Variants in ZNF780A observed in about 807,000 individuals in gnomAD.
The protein encoded by ZNF780A is zinc finger protein 780A.
Under a neutral mutation model 56.7 loss-of-function variants are expected in ZNF780A, and 40 were observed. The ratio of observed to expected loss-of-function variants is 0.71; its 90% CI spans 0.55 to 0.92. The LOEUF (loss-of-function observed/expected upper bound fraction) is 0.92. Ranked by LOEUF, ZNF780A falls within the 40% of genes least tolerant of loss-of-function variation. The pLI is 0.00. For missense variants in ZNF780A, 672 were observed against 783.3 expected (o/e 0.86, Z 1.70); for synonymous variants, 231 against 248.3 (o/e 0.93, Z 0.66).
At chr19:40,084,884 A>C (rs1974697317) in intron 2 of ZNF780A, 86 bp from the exon 3 acceptor site, 1 of 1,457,996 alleles carries the variant, frequency 6.9e-7, no homozygotes, top group African/African-American at 1.4e-5. Flanking sequence ...CCTATTTCTC[A>C]ACTACTCCTG....
intron 5 of ZNF780A, among the ~76,000 whole-genome samples, chr19:40,077,374 A>T (rs557094578): frequency 6.6e-6 from 1 of 152,310 alleles, no homozygotes; most frequent in East Asian, 1.9e-4. Flanking sequence ...AAGGCAACAC[A>T]GGACAAAGAA....
intron 3 of ZNF780A, 27 bp from the exon 4 acceptor site, chr19:40,083,264 G>C (rs1329152570): frequency 1.2e-6 from 2 of 1,610,814 alleles, no homozygotes; most frequent in Non-Finnish European, 1.7e-6. Context: ...ATGTATAATG[G>C]TGAAACTGAA....
chr19:40,070,210 C>T (rs1046116599), downstream of ZNF780A: 4 of 152,006 alleles, frequency 2.6e-5, no homozygotes, highest in African/African-American at 9.7e-5. Flanking sequence ...ACATAACAGA[C>T]CAGTTAGATA....
Position 40,083,372 on chromosome 19 carries a change from A to G in ZNF780A, c.10-135T>C, listed in dbSNP as rs943721828. On this transcript the variant is annotated intron_variant, in intron 3 of 5. Transcript: ENST00000683561. Reference sequence around the variant, plus strand: ...CAGAGTGCCTGCACATTCTTCAAGAAGTCTCCTGCTGGCTGAGTATGGTGG... The same window carrying G: ...CAGAGTGCCTGCACATTCTTCAAGAGGTCTCCTGCTGGCTGAGTATGGTGG... The G allele has an allele frequency of 2.4e-5, 33 of 1,374,434 alleles. No homozygotes were observed. The African/African-American group carries it at 2.8e-4, about 12-fold the overall frequency. The allele number at this position is 1,374,434 out of a possible 1,614,324, so 85.1% of individuals were successfully genotyped here. A position where few individuals can be genotyped will look rare whatever the true frequency, so the allele number is the denominator to read the frequency against.
At position 40,077,163 on chromosome 19, in the gene ZNF780A, C is replaced by CG. The variant is rs147696785; in HGVS notation, c.233-955_233-954insC. Among the ~76,000 whole-genome samples the CG allele has an allele frequency of 4.8e-3, 733 of 152,290 alleles. 9 individuals are homozygous for CG. Among genetic ancestry groups the CG allele is most frequent in the African/African-American group, 0.016 (679 of 41,548 alleles). ...GGGCCCCAAAACAGGCACATCTGGA[C>CG]TGCCACTGCCACCACCAGAGCCCAA... is the stretch of plus-strand genomic sequence containing the variant. On this transcript the variant is annotated intron_variant, in intron 5 of 5. Transcript: ENST00000683561.
At chr19:40,072,769 C>A (rs1973879900), downstream of ZNF780A, 1 of 1,352,428 alleles carries the variant, frequency 7.4e-7, no homozygotes, top group African/African-American at 1.5e-5. Context: ...CATAGAGGCC[C>A]AGAATTATAA....
Position 40,073,714 on chromosome 19 carries a change from G to A in ZNF780A, c.*802C>T. 3.0e-6 allele frequency: 3 copies of A among 985,918 alleles called. No individual in the cohort carries two copies. Among genetic ancestry groups the A allele is most frequent in the Non-Finnish European group, 3.6e-6 (3 of 830,352 alleles). 61.1% of individuals were successfully genotyped at this position (985,918 alleles called of 1,614,324 possible). ...TCAGAAGTATGAATACTCAGAAGTT[G>A]AGCAAATCCCAGGCCATGATGAAAG... On this transcript the variant is annotated 3_prime_UTR_variant, in exon 6 of 6. Transcript: ENST00000683561.
chr19:40,075,394 G>A lies in ZNF780A; in HGVS notation c.1048C>T (p.Arg350Ter), dbSNP rs150137856. The part of the protein sequence containing the change: ...KAFTLLTKLV[R>*]HQKIHTGEKP... The stretch of plus-strand genomic sequence containing the variant: ...TCACCAGTATGAATCTTCTGATGTC[G>A]AACAAGCTTTGTCAGAAGAGTAAAC... Residue 350 changes from arginine (R) to a stop codon, truncating the protein, a stop_gained, in exon 6 of 6, where the codon CGA becomes TGA. Coordinates refer to ENST00000683561, the MANE Select transcript of ZNF780A (RefSeq NM_001142578.2). LOFTEE classifies it high-confidence loss of function. 40 of 1,613,940 alleles carry A rather than the reference G, an allele frequency of 2.5e-5. No homozygotes were observed. Among genetic ancestry groups the A allele is most frequent in the Non-Finnish European group, 3.1e-5 (36 of 1,180,012 alleles).
chr19:40,078,766 A>G (rs1974301258), intron 5 of ZNF780A, among the ~76,000 whole-genome samples: 2 of 152,218 alleles, frequency 1.3e-5, no homozygotes, highest in Non-Finnish European at 2.9e-5. Flanking sequence ...GATATGCTTA[A>G]GAGTCCTACA....
chr19:40,072,148 C>A (rs987785204), downstream of ZNF780A: 1 of 239,854 alleles, frequency 4.2e-6, no homozygotes, highest in South Asian at 7.7e-5. Flanking sequence ...TAAAATCTAC[C>A]GCGGACCCCT....
downstream of ZNF780A, chr19:40,070,875 G>C (rs984003061): frequency 1.3e-5 from 2 of 152,092 alleles, no homozygotes; most frequent in African/African-American, 2.4e-5. Flanking sequence ...CCATAAAGGA[G>C]TTGTGCTGGG....
At position 40,073,986 on chromosome 19, in the gene ZNF780A, C is replaced by T; in HGVS notation, c.*530G>A. On this transcript the variant is annotated 3_prime_UTR_variant, in exon 6 of 6. Coordinates refer to ENST00000683561, the MANE Select transcript of ZNF780A (RefSeq NM_001142578.2). The stretch of plus-strand genomic sequence containing the variant: ...ATGTTGAACAATGTTTGAGCTACAA[C>T]TAAAGGTCTTCCCACATTCTGTACA... The T allele has an allele frequency of 1.9e-6, 2 of 1,079,386 alleles. No individual in the cohort carries two copies. Among genetic ancestry groups the T allele is most frequent in the Non-Finnish European group, 1.1e-6 (1 of 882,018 alleles). The allele number at this position is 1,079,386 out of a possible 1,614,324, so 66.9% of individuals were successfully genotyped here.
rs747918144 is a variant in ZNF780A at position 40,075,482 on chromosome 19, A to C, written c.960T>G (p.Leu320=). The part of the protein sequence containing the change: ...CGMAFRYHYQ[L]IEHCQIHTGE... ...CAGTATGAATTTGGCAATGTTCAAT[A>C]AGTTGGTAATGATATCGAAAGGCCA... is the stretch of plus-strand genomic sequence containing the variant. Residue 320 remains leucine, a synonymous_variant, in exon 6 of 6, where the codon CTT becomes CTG. Transcript: ENST00000683561. 1.2e-6 allele frequency: 2 copies of C among 1,613,516 alleles called. No homozygotes were observed. The highest frequency in any genetic ancestry group is 2.7e-5 in the African/African-American group (2 of 74,720).
At chr19:40,081,972 A>G in intron 4 of ZNF780A, 58 bp from the exon 5 acceptor site, 1 of 1,268,724 alleles carries the variant, frequency 7.9e-7, no homozygotes, top group South Asian at 1.3e-5. Flanking sequence ...TTTTTTTCAA[A>G]TCTTTGTGAC....
At chr19:40,085,120 T>A (rs7258506) in intron 2 of ZNF780A, 45,161 of 982,652 alleles carry the variant, frequency 0.046, 2,220 homozygotes, top group African/African-American at 0.21. Context: ...TTGGCCTAGG[T>A]CTGGACCTCT....
At chr19:40,077,338 C>A (rs1974200623) in intron 5 of ZNF780A, among the ~76,000 whole-genome samples, 1 of 152,104 alleles carries the variant, frequency 6.6e-6, no homozygotes, top group African/African-American at 2.4e-5. Context: ...TCTGGGGAGG[C>A]TTTAGGGGCC....
At chr19:40,085,094 T>G in intron 2 of ZNF780A, 1 of 961,854 alleles carries the variant, frequency 1.0e-6, no homozygotes, top group Non-Finnish European at 1.2e-6. Context: ...AGTCCTCCAT[T>G]CTTGGGATAC....
chr19:40,089,641 C>T (rs1450384312), intron 2 of ZNF780A, among the ~76,000 whole-genome samples: 1 of 151,946 alleles, frequency 6.6e-6, no homozygotes, highest in South Asian at 2.1e-4. Context: ...CACACACACA[C>T]ACTCACACAC....
chr19:40,082,415 A>T (rs935060630), intron 4 of ZNF780A, among the ~76,000 whole-genome samples: 3 of 152,218 alleles, frequency 2.0e-5, no homozygotes, highest in Non-Finnish European at 4.4e-5. Flanking sequence ...GCATCCTTAG[A>T]CATTTATAGC....
Sources: allele counts gnomAD v4.1 joint callset (sites outside exome capture counted in the v4.1 genomes callset), GRCh38; gene constraint gnomAD v4.1.1; transcripts MANE v1.5; gene names NCBI Gene and HGNC (gene_info 2026-07-23, HGNC 2026-07-21).